The following AMBRA1 variants were observed in gnomAD, a reference collection of about 807,000 sequenced individuals.
The protein encoded by AMBRA1 is autophagy and beclin 1 regulator 1, also known as activating molecule in BECN1-regulated autophagy protein 1.
AMBRA1 carries 47 observed loss-of-function variants against 125.4 expected under a neutral mutation model. That is an observed-to-expected ratio of 0.37 (90% CI 0.30 to 0.48). The LOEUF is 0.48. Among genes scored for constraint, AMBRA1 ranks in the 20% least tolerant of loss-of-function variants. The probability of loss-of-function intolerance (pLI) is 0.99; values close to 1 mark genes in which losing one functional copy is unlikely to be tolerated. For synonymous variants in AMBRA1, 626 were observed against 655.5 expected, an observed-to-expected ratio of 0.95 and a Z score of 0.69; for missense variants, 1,331 against 1,693.4, an observed-to-expected ratio of 0.79 and a Z score of 3.76.
chr11:46,521,974 C>T (rs11038910), intron 7 of AMBRA1, among the ~76,000 whole-genome samples: 64,847 of 152,096 alleles, frequency 0.43, 18,496 homozygotes, highest in African/African-American at 0.81. Context: ...TCACCAGAAA[C>T]GCTTAAAAAC....
At chr11:46,563,740 C>T (rs532494789) in intron 1 of AMBRA1, among the ~76,000 whole-genome samples, 4 of 149,498 alleles carry the variant, frequency 2.7e-5, no homozygotes, top group African/African-American at 2.5e-5. Flanking sequence ...CTCGGGAGGC[C>T]GAGACAGGAG....
intron 1 of AMBRA1, among the ~76,000 whole-genome samples, chr11:46,548,868 G>A (rs1348114784): frequency 3.3e-5 from 5 of 152,282 alleles, no homozygotes; most frequent in Admixed American, 2.6e-4. Flanking sequence ...GCAGGCACCT[G>A]TAATCCCAGC....
intron 11 of AMBRA1, among the ~76,000 whole-genome samples, chr11:46,448,061 G>T (rs1203240244): frequency 1.3e-5 from 2 of 152,166 alleles, no homozygotes; most frequent in Non-Finnish European, 2.9e-5. Flanking sequence ...AGATGTCCTT[G>T]TGTAAGAGAC....
chr11:46,439,311 A>T (rs760111208), intron 12 of AMBRA1, among the ~76,000 whole-genome samples: 16 of 152,186 alleles, frequency 1.1e-4, no homozygotes, highest in Admixed American at 3.9e-4. Context: ...ATAAAACCTC[A>T]AAGATTAAAC....
rs58268270 is a variant in AMBRA1, at chr11:46,547,884, CAAA to C, written c.136-12_136-10del. 1.3e-3 allele frequency: 1,838 copies of C among 1,399,354 alleles called. No individual in the cohort carries two copies. Among genetic ancestry groups the C allele is most frequent in the Admixed American group, 4.5e-3 (189 of 42,290 alleles). 86.7% of individuals were successfully genotyped at this position (1,399,354 alleles called of 1,614,324 possible). A position where few individuals can be genotyped will look rare whatever the true frequency, so the allele number is the denominator to read the frequency against. ...TCCGGCAGTTCTACTCTCTGGGAGA[CAAA>C]AAAAAAAAAAAAGTTAAAATACATG... On this transcript the variant is annotated splice_polypyrimidine_tract_variant and intron_variant, in intron 2 of 17. Transcript: ENST00000683756.
At chr11:46,435,071 A>G in intron 12 of AMBRA1, 34 bp from the exon 13 acceptor site, 1 of 1,545,316 alleles carries the variant, frequency 6.5e-7, no homozygotes, top group African/African-American at 1.4e-5. Flanking sequence ...GAGGATAAGA[A>G]ACTTTGGAGT....
chr11:46,591,108 T>C (rs2044580003), intron 1 of AMBRA1: 1 of 152,152 alleles, frequency 6.6e-6, no homozygotes, highest in Non-Finnish European at 1.5e-5. Flanking sequence ...TTCCTAAGAT[T>C]GCTTCATGAC....
chr11:46,571,562 C>T (rs914935961), intron 1 of AMBRA1, among the ~76,000 whole-genome samples: 1 of 151,980 alleles, frequency 6.6e-6, no homozygotes, highest in African/African-American at 2.4e-5. Flanking sequence ...GTAGTCCCAG[C>T]TACTCAGGAG....
chr11:46,405,764 C>G (rs1199275494), intron 17 of AMBRA1, among the ~76,000 whole-genome samples: 2 of 152,064 alleles, frequency 1.3e-5, no homozygotes, highest in Non-Finnish European at 2.9e-5. Flanking sequence ...CAGGGTCTCA[C>G]TCTGTCTTCC....
At chr11:46,492,804 C>T (rs1439930433) in intron 11 of AMBRA1, among the ~76,000 whole-genome samples, 1 of 152,236 alleles carries the variant, frequency 6.6e-6, no homozygotes, top group Non-Finnish European at 1.5e-5. Flanking sequence ...AATCCCGGCA[C>T]TTCGGGAGGC....
intron 9 of AMBRA1, among the ~76,000 whole-genome samples, chr11:46,502,173 A>C (rs1026813184): frequency 6.6e-6 from 1 of 152,110 alleles, no homozygotes; most frequent in African/African-American, 2.4e-5. Flanking sequence ...TCCGCCTCCT[A>C]GGTTCAAGCA....
chr11:46,511,777 T>C lies in AMBRA1; in HGVS notation c.2159+950A>G, dbSNP rs144199233. Among the ~76,000 whole-genome samples the C allele has an allele frequency of 8.5e-5, 13 of 152,346 alleles. No individual in the cohort carries two copies. In the East Asian group the frequency reaches 2.5e-3, roughly 29 times the overall value. On this transcript the variant is annotated intron_variant, in intron 8 of 17. Coordinates refer to ENST00000683756, the MANE Select transcript of AMBRA1 (RefSeq NM_001387011.1). ...ATATCCCACCCTTGGTCCTTAGTTA[T>C]CACCATCAGTGAAGGGCAGGCCTTG... is the stretch of plus-strand genomic sequence containing the variant.
At chr11:46,524,384 C>T (rs1951881245) in intron 7 of AMBRA1, among the ~76,000 whole-genome samples, 1 of 152,184 alleles carries the variant, frequency 6.6e-6, no homozygotes, top group South Asian at 2.1e-4. Flanking sequence ...GACAGCCTCC[C>T]ATGGTGAGGA....
chr11:46,431,853 C>T (rs1379477926), intron 14 of AMBRA1, among the ~76,000 whole-genome samples: 2 of 152,128 alleles, frequency 1.3e-5, no homozygotes, highest in Non-Finnish European at 2.9e-5. Flanking sequence ...CTCCTATTCA[C>T]CCAATGTCAA....
chr11:46,517,695 C>T (rs1388435701), intron 7 of AMBRA1, among the ~76,000 whole-genome samples: 1 of 149,850 alleles, frequency 6.7e-6, no homozygotes, highest in Non-Finnish European at 1.5e-5. Context: ...TTAGCCGGGC[C>T]TGGTGGCACA....
intron 1 of AMBRA1, among the ~76,000 whole-genome samples, chr11:46,557,829 C>T (rs1036617318): frequency 3.1e-4 from 47 of 151,872 alleles, no homozygotes; most frequent in African/African-American, 1.0e-3. Context: ...AAACATAGCC[C>T]GGCATGGTGA....
chr11:46,413,655 T>C (rs1038787734), intron 15 of AMBRA1, among the ~76,000 whole-genome samples: 21 of 151,954 alleles, frequency 1.4e-4, no homozygotes, highest in African/African-American at 4.8e-4. Flanking sequence ...CATGCCTGGC[T>C]AATTTTTGTA....
chr11:46,520,964 T>C (rs1951737248), intron 7 of AMBRA1, among the ~76,000 whole-genome samples: 1 of 152,156 alleles, frequency 6.6e-6, no homozygotes, highest in Non-Finnish European at 1.5e-5. Flanking sequence ...AACTTATGTC[T>C]TGTCTTTGCT....
intron 11 of AMBRA1, among the ~76,000 whole-genome samples, chr11:46,452,969 G>A (rs994222446): frequency 1.3e-5 from 2 of 152,120 alleles, no homozygotes; most frequent in Non-Finnish European, 2.9e-5. Flanking sequence ...ACAATTCAAG[G>A]TTATTAGCAT....
Sources: allele counts gnomAD v4.1 joint callset (sites outside exome capture counted in the v4.1 genomes callset), GRCh38; gene constraint gnomAD v4.1.1; transcripts MANE v1.5; gene names NCBI Gene and HGNC (gene_info 2026-07-23, HGNC 2026-07-21).